The following PKHD1 variants were observed in gnomAD, a reference collection of about 807,000 sequenced individuals.
PKHD1 encodes the protein PKHD1 ciliary IPT domain containing fibrocystin/polyductin, also known as fibrocystin.
Under a neutral mutation model 412.0 loss-of-function variants are expected in PKHD1, and 291 were observed. That is an observed-to-expected ratio of 0.71 (90% confidence interval 0.64 to 0.78). The LOEUF (loss-of-function observed/expected upper bound fraction) is 0.78, where lower values mean the gene tolerates loss of function less well. PKHD1 is among the 30% of genes least tolerant of loss of function. The pLI is 0.00. For synonymous variants in PKHD1, 1,777 were observed against 1,821.5 expected, an observed-to-expected ratio of 0.98 and a Z score of 0.62; for missense variants, 4,825 against 4,950.7, an observed-to-expected ratio of 0.97 and a Z score of 0.76.
chr6:51,765,203 G>C (rs1352707324), intron 55 of PKHD1, among the ~76,000 whole-genome samples: 2 of 152,138 alleles, frequency 1.3e-5, no homozygotes, highest in Middle Eastern at 6.8e-3. Context: ...AGGAGGACCA[G>C]TTGTTCTCTC....
intron 61 of PKHD1, among the ~76,000 whole-genome samples, chr6:51,658,457 A>C (rs1772247280): frequency 6.6e-6 from 1 of 152,084 alleles, no homozygotes; most frequent in Non-Finnish European, 1.5e-5. Context: ...CTTTTTATTT[A>C]AGTTCTACCA....
chr6:51,887,676 G>A (rs769320726), intron 43 of PKHD1, among the ~76,000 whole-genome samples: 3 of 152,102 alleles, frequency 2.0e-5, no homozygotes, highest in Non-Finnish European at 2.9e-5. Flanking sequence ...GCCTGCTCCT[G>A]CTTTGCCTTC....
At chr6:51,777,494 C>T (rs1049941392) in intron 53 of PKHD1, among the ~76,000 whole-genome samples, 2 of 151,848 alleles carry the variant, frequency 1.3e-5, no homozygotes, top group African/African-American at 4.8e-5. Context: ...CAGCTGAGAG[C>T]CTGATGCATC....
intron 48 of PKHD1, among the ~76,000 whole-genome samples, chr6:51,857,254 C>A (rs1773456647): frequency 6.6e-6 from 1 of 152,046 alleles, no homozygotes; most frequent in Non-Finnish European, 1.5e-5. Context: ...GTTCTTCCTC[C>A]TTTGGTTTAG....
At chr6:51,805,508 C>T (rs1763630881) in intron 52 of PKHD1, among the ~76,000 whole-genome samples, 1 of 152,164 alleles carries the variant, frequency 6.6e-6, no homozygotes, top group Non-Finnish European at 1.5e-5. Context: ...CCAGCCTGCA[C>T]ATGTACCATC....
In PKHD1 at chr6:51,632,667, C is replaced by T; in HGVS notation, c.11563G>A (p.Glu3855Lys). The change falls in exon 65 of 67, where the codon GAG (glutamate) becomes AAG (lysine). Residue 3855 changes from glutamate to lysine, a missense_variant. By Grantham distance (56) the Glu-to-Lys change is moderately conservative (BLOSUM62 1). Transcript: ENST00000371117. ...PFAVLPVTRK[E>K]KSTIILAASL... ...GCAGCCAGGATGATGGTCGACTTCT[C>T]CTTCCTAGTCACAGGCAAGACAGCA... The T allele has an allele frequency of 1.2e-6, 2 of 1,613,456 alleles. No homozygotes were observed. The highest frequency in any genetic ancestry group is 8.5e-7 in the Non-Finnish European group (1 of 1,179,558).
intron 35 of PKHD1, among the ~76,000 whole-genome samples, chr6:51,978,635 C>T (rs532130601): frequency 6.6e-6 from 1 of 152,044 alleles, no homozygotes; most frequent in Non-Finnish European, 1.5e-5. Context: ...GAGATGAGGC[C>T]GTTTTGACAT....
intron 53 of PKHD1, among the ~76,000 whole-genome samples, chr6:51,780,955 G>A (rs546219391): frequency 8.6e-5 from 13 of 152,038 alleles, no homozygotes; most frequent in African/African-American, 2.2e-4. Context: ...TAAATATCAC[G>A]ACTGCACATG....
chr6:51,733,247 A>G (rs999140218), intron 60 of PKHD1, among the ~76,000 whole-genome samples: 3 of 152,162 alleles, frequency 2.0e-5, no homozygotes, highest in Non-Finnish European at 4.4e-5. Context: ...ACACTTAAAA[A>G]TGGTTAAGAT....
intron 54 of PKHD1, among the ~76,000 whole-genome samples, chr6:51,775,036 T>C (rs979294017): frequency 1.3e-5 from 2 of 150,150 alleles, no homozygotes; most frequent in Non-Finnish European, 3.0e-5. Context: ...AGCTATTGTA[T>C]TGTCACACAG....
chr6:51,623,206 A>G (rs1766845474), intron 66 of PKHD1, among the ~76,000 whole-genome samples: 1 of 152,192 alleles, frequency 6.6e-6, no homozygotes, highest in Non-Finnish European at 1.5e-5. Context: ...CATTTATTTG[A>G]GAAAAACTGA....
intron 60 of PKHD1, among the ~76,000 whole-genome samples, chr6:51,694,191 T>G (rs1778504430): frequency 6.6e-6 from 1 of 152,114 alleles, no homozygotes; most frequent in Non-Finnish European, 1.5e-5. Flanking sequence ...TGTTAGTTTT[T>G]AACAATGCCT....
At chr6:52,031,205 G>C (rs928591425) in intron 29 of PKHD1, among the ~76,000 whole-genome samples, 1 of 152,206 alleles carries the variant, frequency 6.6e-6, no homozygotes, top group Non-Finnish European at 1.5e-5. Context: ...GATAAAAGAA[G>C]TTAAATATCT....
intron 52 of PKHD1, among the ~76,000 whole-genome samples, chr6:51,807,395 G>A (rs1388970787): frequency 7.2e-6 from 1 of 138,564 alleles, no homozygotes; most frequent in Non-Finnish European, 1.5e-5. Context: ...CCGAAATCAT[G>A]CCACTACACT....
At chr6:51,882,254 GA>G (rs143562741) in intron 46 of PKHD1, among the ~76,000 whole-genome samples, 20 of 150,156 alleles carry the variant, frequency 1.3e-4, no homozygotes, top group East Asian at 1.9e-4. Flanking sequence ...CTTTTAGAGG[GA>G]AAAAAAAACT....
At chr6:51,833,186 C>A (rs9463729) in intron 51 of PKHD1, among the ~76,000 whole-genome samples, 2 of 151,950 alleles carry the variant, frequency 1.3e-5, no homozygotes, top group South Asian at 4.1e-4. Context: ...TAAAACCTCA[C>A]GCCAAGCTTC....
intron 64 of PKHD1, among the ~76,000 whole-genome samples, chr6:51,636,760 C>T (rs1047125307): frequency 6.6e-6 from 1 of 152,182 alleles, no homozygotes. Context: ...CAAGGAGTTA[C>T]TCTCTGGACG....
At chr6:52,001,392 C>T (rs1055001001) in intron 35 of PKHD1, among the ~76,000 whole-genome samples, 1 of 151,354 alleles carries the variant, frequency 6.6e-6, no homozygotes, top group Non-Finnish European at 1.5e-5. Flanking sequence ...TTTCATCATA[C>T]TCTTGAGAGA....
chr6:52,013,810 C>A (rs1800104429), intron 34 of PKHD1, among the ~76,000 whole-genome samples: 1 of 152,166 alleles, frequency 6.6e-6, no homozygotes. Flanking sequence ...CTAAAGTAAG[C>A]AAGTAACCTT....
Sources: gnomAD v4.1 joint callset for allele counts (sites outside exome capture counted in the v4.1 genomes callset) on GRCh38, gnomAD v4.1.1 for gene constraint, MANE v1.5 for transcripts, NCBI Gene and HGNC (gene_info 2026-07-23, HGNC 2026-07-21) for gene names.